MYRIP: variants seen among roughly 807,000 people sequenced by gnomAD.
MYRIP encodes myosin VIIA and Rab interacting protein, also known as rab effector MyRIP.
In MYRIP, 49 loss-of-function variants were observed where a neutral mutation model predicts 98.0. The observed-to-expected ratio is 0.50, with a 90% CI of 0.40 to 0.63. The LOEUF (loss-of-function observed/expected upper bound fraction) is 0.63. Ranked by LOEUF, MYRIP falls within the 30% of genes least tolerant of loss-of-function variation. The probability of loss-of-function intolerance (pLI) is 0.00; values close to 1 mark genes in which losing one functional copy is unlikely to be tolerated. For synonymous variants in MYRIP, 404 were observed against 409.5 expected, an observed-to-expected ratio of 0.99 and a Z score of 0.16; for missense variants, 1,004 against 1,058.2, an observed-to-expected ratio of 0.95 and a Z score of 0.71.
At chr3:40,257,840 G>C (rs569045653) in intron 16 of MYRIP, among the ~76,000 whole-genome samples, 7 of 152,152 alleles carry the variant, frequency 4.6e-5, no homozygotes, top group Admixed American at 2.6e-4. Flanking sequence ...AACTAGTAAA[G>C]AAGGTATGGA....
intron 1 of MYRIP, among the ~76,000 whole-genome samples, chr3:39,877,585 G>T (rs1943034578): frequency 6.6e-6 from 1 of 152,204 alleles, no homozygotes; most frequent in South Asian, 2.1e-4. Context: ...CTGCAGGTCT[G>T]TTGGAGTTTG....
Position 40,244,618 on chromosome 3 carries a change from T to C in MYRIP, c.2262+11T>C. The C allele has an allele frequency of 1.2e-6, 2 of 1,606,348 alleles. No individual in the cohort carries two copies. Among genetic ancestry groups the C allele is most frequent in the Non-Finnish European group, 1.7e-6 (2 of 1,176,390 alleles). ...CATGCTGAACTCCAGGTGAGAACTC[T>C]CCTCTCTGCCCACATGGGTCCTGCA... On this transcript the variant is annotated intron_variant, in intron 13 of 16. Transcript: ENST00000302541.
chr3:40,006,954 G>A (rs1946648573), intron 2 of MYRIP, among the ~76,000 whole-genome samples: 1 of 152,152 alleles, frequency 6.6e-6, no homozygotes, highest in Non-Finnish European at 1.5e-5. Context: ...GAGCTGCTGG[G>A]CTCGGGCAAT....
intron 3 of MYRIP, among the ~76,000 whole-genome samples, chr3:40,086,355 C>T (rs1319263527): frequency 1.3e-5 from 2 of 152,184 alleles, no homozygotes; most frequent in Non-Finnish European, 2.9e-5. Flanking sequence ...TCTTGGCAGC[C>T]ACCTGAAAAC....
At chr3:39,965,703 G>T (rs1213939356) in intron 2 of MYRIP, among the ~76,000 whole-genome samples, 1 of 151,972 alleles carries the variant, frequency 6.6e-6, no homozygotes, top group Non-Finnish European at 1.5e-5. Context: ...GGCTTGTTGG[G>T]ATTATCTAGG....
Position 40,154,888 on chromosome 3 carries a change from G to A in MYRIP, c.469+3704G>A, listed in dbSNP as rs184323599. Among the ~76,000 whole-genome samples the A allele has an allele frequency of 4.0e-5, 6 of 151,710 alleles. No individual in the cohort carries two copies. The East Asian group carries it at 1.2e-3, about 29-fold the overall frequency. On this transcript the variant is annotated intron_variant, in intron 4 of 16. Coordinates refer to ENST00000302541, the MANE Select transcript of MYRIP (RefSeq NM_015460.4). ...TAATATACTTAATCTTCAGACAATT[G>A]GATAAATAATATATGCTTTATTTAG... is the stretch of plus-strand genomic sequence containing the variant.
At chr3:40,076,939 C>T (rs1369887276) in intron 3 of MYRIP, among the ~76,000 whole-genome samples, 1 of 152,134 alleles carries the variant, frequency 6.6e-6, no homozygotes, top group Non-Finnish European at 1.5e-5. Context: ...CATAGTTAAC[C>T]CTTTTTCATT....
chr3:40,258,311 C>A lies in MYRIP; in HGVS notation c.*145C>A. 1 of 877,420 alleles carries A rather than the reference C, an allele frequency of 1.1e-6. No individual in the cohort carries two copies. Among genetic ancestry groups the A allele is most frequent in the Non-Finnish European group, 1.8e-6 (1 of 545,076 alleles). 54.4% of individuals were successfully genotyped at this position (877,420 alleles called of 1,614,324 possible). A position where few individuals can be genotyped will look rare whatever the true frequency, so the allele number is the denominator to read the frequency against. ...CAGTGCACCATTGCACAGGGCTGTC[C>A]TGATACCTCATCCAGAAAGCCGTCT... On this transcript the variant is annotated 3_prime_UTR_variant, in exon 17 of 17. Transcript: ENST00000302541.
chr3:39,931,514 T>A (rs190096948), intron 2 of MYRIP, among the ~76,000 whole-genome samples: 2 of 152,242 alleles, frequency 1.3e-5, no homozygotes, highest in African/African-American at 4.8e-5. Flanking sequence ...TTCCTTTTTT[T>A]CCTTCTTCTT....
intron 3 of MYRIP, among the ~76,000 whole-genome samples, chr3:40,109,054 T>A (rs78244392): frequency 6.2e-4 from 95 of 152,318 alleles, no homozygotes; most frequent in Non-Finnish European, 1.3e-3. Flanking sequence ...TCTTTCCCTT[T>A]TCTCATCTGT....
At chr3:40,149,723 A>T (rs1950080175) in intron 3 of MYRIP, among the ~76,000 whole-genome samples, 1 of 152,206 alleles carries the variant, frequency 6.6e-6, no homozygotes, top group Admixed American at 6.5e-5. Flanking sequence ...CCTTCCAGTT[A>T]GAGTCCAAGC....
At chr3:40,250,138 C>T in intron 13 of MYRIP, 84 bp from the exon 14 acceptor site, 1 of 1,149,656 alleles carries the variant, frequency 8.7e-7, no homozygotes, top group Non-Finnish European at 1.3e-6. Context: ...GCAGATTTGT[C>T]TTTATAAATT....
At chr3:40,177,597 C>G (rs1950793871) in intron 8 of MYRIP, among the ~76,000 whole-genome samples, 4 of 152,196 alleles carry the variant, frequency 2.6e-5, no homozygotes, top group Admixed American at 1.3e-4. Context: ...TGCGAATGCT[C>G]CATTTTTAAT....
chr3:39,913,135 GA>G (rs1352692326), intron 2 of MYRIP, among the ~76,000 whole-genome samples: 10 of 152,102 alleles, frequency 6.6e-5, no homozygotes, highest in African/African-American at 2.4e-4. Context: ...TGGGAAGACA[GA>G]AAATACACAT....
chr3:40,208,384 T>C (rs60713775), intron 10 of MYRIP, among the ~76,000 whole-genome samples: 1 of 152,178 alleles, frequency 6.6e-6, no homozygotes, highest in African/African-American at 2.4e-5. Flanking sequence ...TTGGGTCCAG[T>C]GACCCCGATG....
intron 10 of MYRIP, among the ~76,000 whole-genome samples, chr3:40,192,549 T>G (rs7426890): frequency 0.88 from 132,742 of 151,116 alleles, 58,457 homozygotes; most frequent in Middle Eastern, 0.95. Flanking sequence ...AAAGTACATT[T>G]AGAAATATAG....
rs191821135 is a variant in MYRIP, at chr3:40,038,207, G to T, written c.111-5843G>T. Among the ~76,000 whole-genome samples the T allele has an allele frequency of 1.5e-4, 23 of 152,098 alleles. 1 individual carries two copies. The highest frequency in any genetic ancestry group is 3.9e-4 in the Admixed American group (6 of 15,268). On this transcript the variant is annotated intron_variant, in intron 2 of 16. Coordinates refer to ENST00000302541, the MANE Select transcript of MYRIP (RefSeq NM_015460.4). The stretch of plus-strand genomic sequence containing the variant: ...AATTATAAAATATGTAAGAATAAAT[G>T]ACAATAAAAAAATTTCTTATTTAAA...
chr3:39,842,757 C>CCG (rs1559493485), intron 1 of MYRIP, among the ~76,000 whole-genome samples: 9 of 152,148 alleles, frequency 5.9e-5, no homozygotes, highest in African/African-American at 2.2e-4. Flanking sequence ...GTGATTACCC[C>CCG]CCCTGCTTCT....
At chr3:39,981,585 T>C (rs563911488) in intron 2 of MYRIP, among the ~76,000 whole-genome samples, 4 of 152,316 alleles carry the variant, frequency 2.6e-5, no homozygotes, top group African/African-American at 9.6e-5. Context: ...AGACCATTAC[T>C]CCCTTTTCAT....
Sources: allele counts gnomAD v4.1 joint callset (sites outside exome capture counted in the v4.1 genomes callset), GRCh38; gene constraint gnomAD v4.1.1; transcripts MANE v1.5; gene names NCBI Gene and HGNC (gene_info 2026-07-23, HGNC 2026-07-21).